SYT1: variants seen among roughly 807,000 people sequenced by gnomAD.
The protein encoded by SYT1 is synaptotagmin-1.
SYT1 carries 8 observed loss-of-function variants against 44.8 expected under a neutral mutation model. That is an observed-to-expected ratio of 0.18 (90% CI 0.10 to 0.32). SYT1 has a LOEUF of 0.32. Among genes scored for constraint, SYT1 ranks in the 10% least tolerant of loss-of-function variants. The pLI, the probability that SYT1 is intolerant of heterozygous loss-of-function variation, is 1.00. For synonymous variants in SYT1, 154 were observed against 188.8 expected (o/e 0.82, Z 1.51); for missense variants, 286 against 509.3 (o/e 0.56, Z 4.22).
chr12:79,429,052 G>T (rs1014979273), intron 9 of SYT1, among the ~76,000 whole-genome samples: 2 of 151,952 alleles, frequency 1.3e-5, no homozygotes, highest in African/African-American at 4.8e-5. Flanking sequence ...ATTACCATAG[G>T]ATGACACCAA....
intron 2 of SYT1, among the ~76,000 whole-genome samples, chr12:79,030,877 T>A (rs1424047430): frequency 2.0e-5 from 3 of 150,968 alleles, no homozygotes; most frequent in African/African-American, 7.3e-5. Flanking sequence ...TGTCTTTAAA[T>A]AATGATGACA....
rs1322430631 is a variant in SYT1, at chr12:79,451,100, TG to T, written c.*1980del. 6.6e-6 allele frequency: 1 copy of T among 152,202 alleles called. No homozygotes were observed. The highest frequency in any genetic ancestry group is 1.5e-5 in the Non-Finnish European group (1 of 68,032). The allele number at this position is 152,202 out of a possible 1,614,324, so 9.4% of individuals were successfully genotyped here. A position where few individuals can be genotyped will look rare whatever the true frequency, so the allele number is the denominator to read the frequency against. ...AAGGGCTGATGGTAGGCTTTGAACATGGGGTTGGCTGTTTCCCAGTAAAACT... is the reference window on the plus strand; with the variant it reads ...AAGGGCTGATGGTAGGCTTTGAACATGGGTTGGCTGTTTCCCAGTAAAACT... On this transcript the variant is annotated 3_prime_UTR_variant, in exon 11 of 11. Coordinates refer to ENST00000261205, the MANE Select transcript of SYT1 (RefSeq NM_005639.3).
intron 2 of SYT1, among the ~76,000 whole-genome samples, chr12:79,040,386 TTTC>T (rs1468938860): frequency 1.3e-5 from 2 of 152,238 alleles, no homozygotes. Context: ...ATGATGAGCA[TTTC>T]TTCATGTGTT....
At chr12:79,119,598 A>T (rs921220845) in intron 3 of SYT1, among the ~76,000 whole-genome samples, 11 of 152,050 alleles carry the variant, frequency 7.2e-5, no homozygotes, top group African/African-American at 2.7e-4. Flanking sequence ...TATCACCAGA[A>T]ATCCTTTTCT....
chr12:79,250,063 A>G (rs1479797374), intron 4 of SYT1, among the ~76,000 whole-genome samples: 1 of 152,216 alleles, frequency 6.6e-6, no homozygotes, highest in Admixed American at 6.5e-5. Context: ...ATTCTATAAG[A>G]TGAATATTAT....
intron 9 of SYT1, among the ~76,000 whole-genome samples, chr12:79,428,438 C>T (rs1869575840): frequency 6.6e-6 from 1 of 152,130 alleles, no homozygotes; most frequent in Non-Finnish European, 1.5e-5. Flanking sequence ...TGATGATTCA[C>T]GAGGCCTTTA....
intron 2 of SYT1, among the ~76,000 whole-genome samples, chr12:78,992,653 T>C (rs2137491150): frequency 6.6e-6 from 1 of 152,230 alleles, no homozygotes. Flanking sequence ...TAGTACAACA[T>C]GAAAACCCCC....
intron 3 of SYT1, among the ~76,000 whole-genome samples, chr12:79,213,310 C>G (rs1466131449): frequency 6.6e-6 from 1 of 151,976 alleles, no homozygotes; most frequent in Non-Finnish European, 1.5e-5. Flanking sequence ...CTCCAAAAAA[C>G]AGGATTATAT....
At chr12:79,308,533 A>G (rs1262412361) in intron 8 of SYT1, among the ~76,000 whole-genome samples, 3 of 116,276 alleles carry the variant, frequency 2.6e-5, no homozygotes, top group Admixed American at 7.9e-5. Flanking sequence ...AAGAAGAAAT[A>G]AAGAAAGAAA....
At chr12:78,918,102 G>C (rs1403344727) in intron 1 of SYT1, among the ~76,000 whole-genome samples, 1 of 151,978 alleles carries the variant, frequency 6.6e-6, no homozygotes, top group Admixed American at 6.6e-5. Context: ...AAATCTGCTA[G>C]CAAGTTAAAG....
chr12:79,054,101 T>A (rs940791439), intron 3 of SYT1, among the ~76,000 whole-genome samples: 2 of 152,056 alleles, frequency 1.3e-5, no homozygotes, highest in Non-Finnish European at 2.9e-5. Flanking sequence ...TTGCAGATGA[T>A]GAAAATGTGG....
chr12:79,418,799 T>C (rs1329646029), intron 9 of SYT1, among the ~76,000 whole-genome samples: 1 of 152,088 alleles, frequency 6.6e-6, no homozygotes, highest in Non-Finnish European at 1.5e-5. Context: ...CTGAAATGTG[T>C]TCAATATCAG....
intron 1 of SYT1, among the ~76,000 whole-genome samples, chr12:78,934,248 G>C (rs61929222): frequency 0.091 from 13,774 of 151,630 alleles, 721 homozygotes; most frequent in East Asian, 0.18. Flanking sequence ...TTGAATAACC[G>C]TCATGTGTCA....
chr12:79,245,611 A>G (rs1165595010), intron 4 of SYT1, among the ~76,000 whole-genome samples: 1 of 152,142 alleles, frequency 6.6e-6, no homozygotes, highest in Non-Finnish European at 1.5e-5. Context: ...AAAAAGAAAA[A>G]GAACACAGAA....
At chr12:79,309,910 A>G (rs112296553) in intron 8 of SYT1, among the ~76,000 whole-genome samples, 1,587 of 152,128 alleles carry the variant, frequency 0.01, 30 homozygotes, top group African/African-American at 0.036. Flanking sequence ...TAGATTCTGG[A>G]TATTAGCCCT....
At chr12:79,096,091 C>G (rs188387616) in intron 3 of SYT1, among the ~76,000 whole-genome samples, 23 of 151,958 alleles carry the variant, frequency 1.5e-4, no homozygotes, top group Admixed American at 6.6e-4. Context: ...GATAAAGTCT[C>G]TCAGGCAATA....
intron 2 of SYT1, among the ~76,000 whole-genome samples, chr12:78,992,684 T>C (rs896692337): frequency 9.2e-5 from 14 of 152,124 alleles, no homozygotes; most frequent in African/African-American, 2.7e-4. Context: ...CACTCAAAGA[T>C]AGAGAGCACA....
intron 3 of SYT1, among the ~76,000 whole-genome samples, chr12:79,128,683 T>C (rs1868601469): frequency 6.6e-6 from 1 of 152,244 alleles, no homozygotes; most frequent in African/African-American, 2.4e-5. Flanking sequence ...AACCCATTAC[T>C]GAGTTGATGG....
chr12:79,449,387 T>G lies in SYT1; in HGVS notation c.*263T>G. 2.2e-6 allele frequency: 1 copy of G among 462,856 alleles called. No homozygotes were observed. Among genetic ancestry groups the G allele is most frequent in the Non-Finnish European group, 3.9e-6 (1 of 255,238 alleles). The allele number at this position is 462,856 out of a possible 1,614,324, so 28.7% of individuals were successfully genotyped here. Reference sequence around the variant, plus strand: ...AGCATGAATGAAATTATTTATTGTATCACACTGTTGTATATACCAGTATGC... The same window carrying G: ...AGCATGAATGAAATTATTTATTGTAGCACACTGTTGTATATACCAGTATGC... On this transcript the variant is annotated 3_prime_UTR_variant, in exon 11 of 11. Transcript: ENST00000261205.
Sources: allele counts gnomAD v4.1 joint callset (sites outside exome capture counted in the v4.1 genomes callset), GRCh38; gene constraint gnomAD v4.1.1; transcripts MANE v1.5; gene names NCBI Gene and HGNC (gene_info 2026-07-23, HGNC 2026-07-21).